Variants in CNTNAP5 observed in about 807,000 individuals in gnomAD.
CNTNAP5 encodes the protein contactin-associated protein-like 5.
A neutral mutation model predicts 150.2 loss-of-function variants in CNTNAP5; 72 were observed. That is an observed-to-expected ratio of 0.48 (90% CI 0.40 to 0.58). CNTNAP5 has a LOEUF of 0.58. Ranked by LOEUF, CNTNAP5 falls within the 20% of genes least tolerant of loss-of-function variation. The pLI is 0.00. For missense variants in CNTNAP5, 1,636 were observed against 1,626.2 expected (o/e 1.01, Z -0.10); for synonymous variants, 672 against 619.8 (o/e 1.08, Z -1.25).
chr2:124,840,435 G>A (rs1052126070), intron 19 of CNTNAP5, among the ~76,000 whole-genome samples: 1 of 152,096 alleles, frequency 6.6e-6, no homozygotes, highest in Non-Finnish European at 1.5e-5. Context: ...CATGACATTT[G>A]TTTTGTTTGT....
chr2:124,795,215 T>C (rs1681819211), intron 18 of CNTNAP5, among the ~76,000 whole-genome samples: 1 of 152,202 alleles, frequency 6.6e-6, no homozygotes, highest in Non-Finnish European at 1.5e-5. Context: ...TTGAGTAATG[T>C]GAGATTGAAT....
rs530935659 is a variant in CNTNAP5 at position 124,893,342 on chromosome 2, A to G, written c.3437-9540A>G. On this transcript the variant is annotated intron_variant, in intron 21 of 23. Coordinates refer to ENST00000682447, the MANE Select transcript of CNTNAP5 (RefSeq NM_001367498.1). Reference sequence around the variant, plus strand: ...CATTAGAGATCGATTTGTGAGAAATATTATGCAAACAGTCTTCATTTTACT... The same window carrying G: ...CATTAGAGATCGATTTGTGAGAAATGTTATGCAAACAGTCTTCATTTTACT... Among the ~76,000 whole-genome samples the G allele has an allele frequency of 2.6e-5, 4 of 152,304 alleles. No homozygotes were observed. The South Asian group carries it at 8.3e-4, about 32-fold the overall frequency.
At chr2:124,521,391 G>T (rs1328961005) in intron 8 of CNTNAP5, among the ~76,000 whole-genome samples, 1 of 151,982 alleles carries the variant, frequency 6.6e-6, no homozygotes, top group African/African-American at 2.4e-5. Context: ...AAAATAAAAA[G>T]AAAAAAAGAA....
intron 17 of CNTNAP5, among the ~76,000 whole-genome samples, chr2:124,786,514 A>AGAAAGAAAGAGAAAGAAAG: frequency 6.7e-6 from 1 of 150,160 alleles, no homozygotes; most frequent in South Asian, 2.1e-4. Flanking sequence ...AGAAAAAGAA[A>AGAAAGAAAGAGAAAGAAAG]GAAAGAAAGA....
chr2:124,654,686 C>T (rs767837633), intron 13 of CNTNAP5, among the ~76,000 whole-genome samples: 1 of 152,124 alleles, frequency 6.6e-6, no homozygotes, highest in Non-Finnish European at 1.5e-5. Context: ...CAGTCTATGG[C>T]ACCACCTCTG....
intron 12 of CNTNAP5, among the ~76,000 whole-genome samples, chr2:124,610,954 CAA>C (rs57941026): frequency 0.78 from 109,701 of 141,314 alleles, 42,768 homozygotes; most frequent in East Asian, 0.99. Flanking sequence ...GACACCGTCT[CAA>C]AAAAAAAAAA....
chr2:124,410,294 C>T (rs1573975010), intron 3 of CNTNAP5, among the ~76,000 whole-genome samples: 2 of 149,504 alleles, frequency 1.3e-5, no homozygotes, highest in East Asian at 4.0e-4. Context: ...ACTTTAACAC[C>T]CCACTGTCAA....
At chr2:124,749,053 A>C (rs932945996) in intron 14 of CNTNAP5, among the ~76,000 whole-genome samples, 1 of 152,278 alleles carries the variant, frequency 6.6e-6, no homozygotes, top group African/African-American at 2.4e-5. Flanking sequence ...ATTCAGTGGT[A>C]ATTAGTTGAA....
At chr2:124,049,661 T>A (rs1156541919) in intron 1 of CNTNAP5, among the ~76,000 whole-genome samples, 1 of 152,202 alleles carries the variant, frequency 6.6e-6, no homozygotes, top group Non-Finnish European at 1.5e-5. Context: ...ATGAAGGTAA[T>A]GATACCTACC....
intron 22 of CNTNAP5, among the ~76,000 whole-genome samples, chr2:124,909,826 C>CATATAT (rs368913883): frequency 0.096 from 7,151 of 74,376 alleles, 480 homozygotes; most frequent in Non-Finnish European, 0.11. Flanking sequence ...CAATTGGTGA[C>CATATAT]ATATATATAT....
chr2:124,896,943 C>T lies in CNTNAP5; in HGVS notation c.3437-5939C>T, dbSNP rs143156226. ...TAACTTCATTTTTCAGTGTCTTAAA[C>T]GTGACGCACTACTTCTCTCTTTACT... is the stretch of plus-strand genomic sequence containing the variant. On this transcript the variant is annotated intron_variant, in intron 21 of 23. Transcript: ENST00000682447. Among the ~76,000 whole-genome samples, 440 of 151,662 alleles carry T rather than the reference C, an allele frequency of 2.9e-3. 18 individuals are homozygous for T. The highest frequency in any genetic ancestry group is 7.5e-3 in the African/African-American group (307 of 40,996).
rs1437641398 is a variant in CNTNAP5, at chr2:124,920,110, C to A, written c.*5822C>A. 1.3e-5 allele frequency among the ~76,000 whole-genome samples: 2 copies of A among 152,054 alleles called. No homozygotes were observed. The highest frequency in any genetic ancestry group is 1.3e-4 in the Admixed American group (2 of 15,250). On this transcript the variant is annotated 3_prime_UTR_variant, in exon 24 of 24. Coordinates refer to ENST00000682447, the MANE Select transcript of CNTNAP5 (RefSeq NM_001367498.1). Reference sequence around the variant, plus strand: ...AGTCCTTCCAGTTGACACAAGGAAACCCTTTATAAAATAGGACAAAATTAG... The same window carrying A: ...AGTCCTTCCAGTTGACACAAGGAAAACCTTTATAAAATAGGACAAAATTAG...
chr2:124,807,052 G>C (rs558701134), intron 19 of CNTNAP5, among the ~76,000 whole-genome samples: 1 of 152,054 alleles, frequency 6.6e-6, no homozygotes, highest in East Asian at 1.9e-4. Flanking sequence ...TCAGAGAAAA[G>C]ACATGTTTTT....
chr2:124,386,427 C>A (rs1173231693), intron 3 of CNTNAP5, among the ~76,000 whole-genome samples: 2 of 152,222 alleles, frequency 1.3e-5, no homozygotes, highest in Non-Finnish European at 2.9e-5. Context: ...AACATACCTG[C>A]AGAGACTTGA....
intron 19 of CNTNAP5, among the ~76,000 whole-genome samples, chr2:124,816,839 T>A (rs541565790): frequency 6.6e-6 from 1 of 152,312 alleles, no homozygotes; most frequent in African/African-American, 2.4e-5. Flanking sequence ...ATGAGTCTTT[T>A]AATGTAATTA....
chr2:124,416,669 G>T (rs1329497399), intron 3 of CNTNAP5, among the ~76,000 whole-genome samples: 1 of 151,882 alleles, frequency 6.6e-6, no homozygotes, highest in South Asian at 2.1e-4. Context: ...CTCTTTCTAG[G>T]CTTCTTTTTT....
At chr2:124,448,549 A>G (rs1461533945) in intron 6 of CNTNAP5, among the ~76,000 whole-genome samples, 2 of 152,192 alleles carry the variant, frequency 1.3e-5, no homozygotes, top group East Asian at 3.9e-4. Flanking sequence ...CTTATACCAC[A>G]GAGGTTGACA....
At chr2:124,731,540 T>C (rs1301819735) in intron 13 of CNTNAP5, among the ~76,000 whole-genome samples, 1 of 150,188 alleles carries the variant, frequency 6.7e-6, no homozygotes, top group Non-Finnish European at 1.5e-5. Flanking sequence ...TAAAAATAAT[T>C]TGGGGAGAGG....
intron 1 of CNTNAP5, among the ~76,000 whole-genome samples, chr2:124,120,157 C>T (rs374350975): frequency 4.6e-5 from 7 of 152,086 alleles, no homozygotes; most frequent in Non-Finnish European, 7.4e-5. Flanking sequence ...TCAGCAATTA[C>T]GGTATAGGGC....
Sources: allele counts gnomAD v4.1 joint callset (sites outside exome capture counted in the v4.1 genomes callset), GRCh38; gene constraint gnomAD v4.1.1; transcripts MANE v1.5; gene names NCBI Gene and HGNC (gene_info 2026-07-23, HGNC 2026-07-21).